DCK: variants seen among roughly 807,000 people sequenced by gnomAD.
The protein encoded by DCK is deoxyadenosine kinase.
DCK carries 23 observed loss-of-function variants against 38.3 expected under a neutral mutation model. The ratio of observed to expected loss-of-function variants is 0.60; its 90% confidence interval spans 0.43 to 0.85. DCK has a LOEUF of 0.85. Among genes scored for constraint, DCK ranks in the 40% least tolerant of loss-of-function variants. The pLI is 0.00. For missense variants in DCK, 259 were observed against 304.4 expected, an observed-to-expected ratio of 0.85 and a Z score of 1.11; for synonymous variants, 108 against 100.6, an observed-to-expected ratio of 1.07 and a Z score of -0.44.
chr4:70,993,674 C>T lies in DCK; in HGVS notation c.-162C>T. ...AGTGTCCTCAGCTGCCTCCGCGCGC[C>T]AAAGTCAAACCCCGACACCCGCCGG... is the stretch of plus-strand genomic sequence containing the variant. On this transcript the variant is annotated 5_prime_UTR_variant, in exon 1 of 7. Transcript: ENST00000286648. 1.8e-6 allele frequency: 1 copy of T among 564,562 alleles called. No homozygotes were observed. Among genetic ancestry groups the T allele is most frequent in the Non-Finnish European group, 3.1e-6 (1 of 321,206 alleles). The allele number at this position is 564,562 out of a possible 1,614,324, so 35.0% of individuals were successfully genotyped here. A position where few individuals can be genotyped will look rare whatever the true frequency, so the allele number is the denominator to read the frequency against.
At chr4:70,999,193 C>T (rs1424138319) in intron 2 of DCK, among the ~76,000 whole-genome samples, 3 of 152,046 alleles carry the variant, frequency 2.0e-5, no homozygotes, top group Non-Finnish European at 4.4e-5. Flanking sequence ...CCGACAGGCC[C>T]TGGTGTGTGA....
intron 6 of DCK, among the ~76,000 whole-genome samples, chr4:71,029,049 G>A (rs928975218): frequency 3.3e-5 from 5 of 152,112 alleles, no homozygotes; most frequent in Admixed American, 1.3e-4. Flanking sequence ...GAGCCACTGC[G>A]CCTGGCCTAT....
rs1016088483 is a variant in DCK, at chr4:71,023,346, C to A, written c.402-213C>A. On this transcript the variant is annotated intron_variant, in intron 3 of 6. Coordinates refer to ENST00000286648, the MANE Select transcript of DCK (RefSeq NM_000788.3). ...AGTAATCTGGCCTCTCACAGAACCCCTTAGAAGATCTTGGGGACTTAATGG... is the reference window on the plus strand; with the variant it reads ...AGTAATCTGGCCTCTCACAGAACCCATTAGAAGATCTTGGGGACTTAATGG... 2.6e-5 allele frequency among the ~76,000 whole-genome samples: 4 copies of A among 152,108 alleles called. No individual in the cohort carries two copies. The East Asian group carries it at 7.7e-4, about 29-fold the overall frequency.
At chr4:71,014,826 C>G (rs993194038) in intron 2 of DCK, among the ~76,000 whole-genome samples, 1 of 152,130 alleles carries the variant, frequency 6.6e-6, no homozygotes, top group African/African-American at 2.4e-5. Flanking sequence ...CAGGAGAGAT[C>G]TAAAATTGAC....
chr4:71,002,436 T>A (rs1297807588), intron 2 of DCK, among the ~76,000 whole-genome samples: 3 of 152,208 alleles, frequency 2.0e-5, no homozygotes, highest in Non-Finnish European at 4.4e-5. Context: ...TAATGTATAT[T>A]CTGTTGATTT....
intron 2 of DCK, among the ~76,000 whole-genome samples, chr4:71,000,205 G>A (rs1739769298): frequency 6.6e-6 from 1 of 152,192 alleles, no homozygotes; most frequent in African/African-American, 2.4e-5. Flanking sequence ...TGTATAAGGT[G>A]TAAGGAAGGG....
chr4:70,998,165 A>C lies in DCK; in HGVS notation c.190A>C (p.Thr64Pro). ...TGCCAGATGGTGCAATGTTCAAAGTACTCAAGATGAATTTGAGGTATGAAA... is the reference window on the plus strand; with the variant it reads ...TGCCAGATGGTGCAATGTTCAAAGTCCTCAAGATGAATTTGAGGTATGAAA... ...PVARWCNVQS[T>P]QDEFEELTMS... The change falls in exon 2 of 7, where the codon ACT becomes CCT. Residue 64 changes from threonine (T) to proline (P), a missense_variant. Thr to Pro is a conservative substitution (Grantham distance 38, BLOSUM62 -1). This residue lies in a region of DCK where 159 missense variants were observed against 159.0 expected (regional missense o/e 1.00). Coordinates refer to ENST00000286648, the MANE Select transcript of DCK (RefSeq NM_000788.3). 1 of 1,568,290 alleles carries C rather than the reference A, an allele frequency of 6.4e-7. No homozygotes were observed. The highest frequency in any genetic ancestry group is 8.7e-7 in the Non-Finnish European group (1 of 1,144,906).
chr4:71,002,850 G>A (rs1739842584), intron 2 of DCK, among the ~76,000 whole-genome samples: 1 of 151,918 alleles, frequency 6.6e-6, no homozygotes, highest in African/African-American at 2.4e-5. Flanking sequence ...GCCTTTGTGT[G>A]TCTTTGCATG....
intron 2 of DCK, among the ~76,000 whole-genome samples, chr4:71,015,939 C>T (rs1467928703): frequency 6.6e-6 from 1 of 152,094 alleles, no homozygotes; most frequent in African/African-American, 2.4e-5. Flanking sequence ...CCAGGGTAAT[C>T]AGGTAGTAGA....
At position 71,014,970 on chromosome 4, in the gene DCK, A is replaced by G. The variant is rs529397213; in HGVS notation, c.208-7397A>G. ...ACACAAAAAACCCTTCAAAAAATCAATGAATCCAGGAGCTGGTTTTTTGAA... is the reference window on the plus strand; with the variant it reads ...ACACAAAAAACCCTTCAAAAAATCAGTGAATCCAGGAGCTGGTTTTTTGAA... On this transcript the variant is annotated intron_variant, in intron 2 of 6. Coordinates refer to ENST00000286648, the MANE Select transcript of DCK (RefSeq NM_000788.3). 2.0e-3 allele frequency among the ~76,000 whole-genome samples: 311 copies of G among 152,338 alleles called. 4 individuals carry two copies. The highest frequency in any genetic ancestry group is 7.1e-3 in the African/African-American group (295 of 41,568).
intron 2 of DCK, among the ~76,000 whole-genome samples, chr4:70,998,466 G>C (rs1739708827): frequency 1.3e-5 from 2 of 152,126 alleles, no homozygotes; most frequent in African/African-American, 2.4e-5. Flanking sequence ...CATTTACATT[G>C]TATTAAGTAT....
chr4:71,002,882 C>G (rs779194334), intron 2 of DCK, among the ~76,000 whole-genome samples: 2 of 152,018 alleles, frequency 1.3e-5, no homozygotes, highest in Non-Finnish European at 2.9e-5. Context: ...TCCTGAATAC[C>G]GCACACTGAT....
At chr4:71,019,380 GTTAA>G (rs2148918216) in intron 2 of DCK, among the ~76,000 whole-genome samples, 1 of 152,216 alleles carries the variant, frequency 6.6e-6, no homozygotes, top group African/African-American at 2.4e-5. Context: ...GTCTTTTTTA[GTTAA>G]TTTTTTTGTT....
At chr4:70,998,760 C>G (rs1472434670) in intron 2 of DCK, among the ~76,000 whole-genome samples, 5 of 152,052 alleles carry the variant, frequency 3.3e-5, no homozygotes, top group African/African-American at 1.2e-4. Flanking sequence ...GCCGTCTCTA[C>G]TAAAAATACA....
intron 2 of DCK, among the ~76,000 whole-genome samples, chr4:71,015,045 C>G (rs1285502298): frequency 2.0e-5 from 3 of 152,028 alleles, no homozygotes; most frequent in African/African-American, 4.8e-5. Flanking sequence ...AAGAAGAAAA[C>G]AGAGAAGAAT....
At chr4:70,995,046 T>G (rs1739631347) in intron 1 of DCK, among the ~76,000 whole-genome samples, 1 of 152,178 alleles carries the variant, frequency 6.6e-6, no homozygotes, top group African/African-American at 2.4e-5. Flanking sequence ...CTGTACCTTC[T>G]TGAAAAAGGC....
In DCK at chr4:71,030,586, T is replaced by A. The variant is rs989594917; in HGVS notation, c.*1208T>A. 6.6e-6 allele frequency: 1 copy of A among 152,164 alleles called. No homozygotes were observed. The highest frequency in any genetic ancestry group is 6.5e-5 in the Admixed American group (1 of 15,276). The allele number at this position is 152,164 out of a possible 1,614,324, so 9.4% of individuals were successfully genotyped here. On this transcript the variant is annotated 3_prime_UTR_variant, in exon 7 of 7. Coordinates refer to ENST00000286648, the MANE Select transcript of DCK (RefSeq NM_000788.3). ...GTCTCATTATACGTATGCATTTTTT[T>A]AGTTTGTTTTTGTTTGGTATAAATT... is the stretch of plus-strand genomic sequence containing the variant.
chr4:71,016,679 G>A (rs1296648222), intron 2 of DCK, among the ~76,000 whole-genome samples: 4 of 152,222 alleles, frequency 2.6e-5, no homozygotes, highest in Admixed American at 6.5e-5. Context: ...AACAAGAAAT[G>A]GGGAAAGGAT....
intron 2 of DCK, among the ~76,000 whole-genome samples, chr4:71,014,405 TGTACCAAGC>T (rs1560684840): frequency 6.6e-6 from 1 of 152,242 alleles, no homozygotes; most frequent in African/African-American, 2.4e-5. Context: ...AGCTCAGCTC[TGTACCAAGC>T]GGACCTAAAA....
Sources: gnomAD v4.1 joint callset for allele counts (sites outside exome capture counted in the v4.1 genomes callset) on GRCh38, gnomAD v4.1.1 for gene constraint, gnomAD v4.1.1 regional missense constraint, MANE v1.5 for transcripts, NCBI Gene and HGNC (gene_info 2026-07-23, HGNC 2026-07-21) for gene names.